ZNF451: variants seen among roughly 807,000 people sequenced by gnomAD.
The protein encoded by ZNF451 is zinc finger protein 451, also known as E3 SUMO-protein ligase ZNF451.
A neutral mutation model predicts 107.1 loss-of-function variants in ZNF451; 80 were observed. That is an observed-to-expected ratio of 0.75 (90% CI 0.62 to 0.90). The LOEUF (loss-of-function observed/expected upper bound fraction) is 0.90. ZNF451 is among the 40% of genes least tolerant of loss of function. ZNF451 has a pLI of 0.00. For synonymous variants in ZNF451, 362 were observed against 406.5 expected, an observed-to-expected ratio of 0.89 and a Z score of 1.32; for missense variants, 1,107 against 1,236.2, an observed-to-expected ratio of 0.90 and a Z score of 1.57.
intron 13 of ZNF451, among the ~76,000 whole-genome samples, chr6:57,157,119 ATT>A (rs1763463640): frequency 6.6e-6 from 1 of 152,104 alleles, no homozygotes; most frequent in African/African-American, 2.4e-5. Flanking sequence ...GATTTTTCAG[ATT>A]TTTGAATTTT....
At chr6:57,115,637 T>C (rs1221242239) in intron 3 of ZNF451, 3 of 152,246 alleles carry the variant, frequency 2.0e-5, no homozygotes, top group Admixed American at 6.5e-5. Context: ...AACCAGAATC[T>C]GCCTTTAGGC....
intron 4 of ZNF451, 104 bp downstream of exon 4, chr6:57,124,963 A>C: frequency 1.4e-6 from 1 of 697,024 alleles, no homozygotes; most frequent in Non-Finnish European, 2.1e-6. Context: ...ATCAAAGCTC[A>C]GTATGTACCC....
intron 2 of ZNF451, 39 bp from the exon 3 acceptor site, chr6:57,099,022 A>G (rs1829458091): frequency 6.5e-7 from 1 of 1,544,536 alleles, no homozygotes; most frequent in Non-Finnish European, 8.9e-7. Flanking sequence ...TGGTTTGAAT[A>G]ACTGTTAATG....
intron 11 of ZNF451, chr6:57,151,222 A>G (rs1163998793): frequency 6.2e-6 from 1 of 162,268 alleles, no homozygotes; most frequent in African/African-American, 2.4e-5. Context: ...AATACAAAAA[A>G]TTAGCTGGGC....
At chr6:57,093,291 A>C (rs530133237) in intron 2 of ZNF451, among the ~76,000 whole-genome samples, 24 of 152,352 alleles carry the variant, frequency 1.6e-4, no homozygotes, top group African/African-American at 5.8e-4. Flanking sequence ...TTATTGATAT[A>C]GTGTAGCATC....
chr6:57,108,546 C>A, intron 3 of ZNF451: 2 of 985,270 alleles, frequency 2.0e-6, no homozygotes, highest in Non-Finnish European at 2.4e-6. Flanking sequence ...TAATTTACAT[C>A]TAACTACTGT....
chr6:57,153,737 T>C lies in ZNF451; in HGVS notation c.2884-124T>C, dbSNP rs541575788. The C allele has an allele frequency of 7.3e-5, 66 of 903,810 alleles. No individual in the cohort carries two copies. In the East Asian group the frequency reaches 1.4e-3, roughly 20 times the overall value. 56.0% of individuals were successfully genotyped at this position (903,810 alleles called of 1,614,324 possible). Reference sequence around the variant, plus strand: ...TGAAGGAGATCTTTATGTCATACTTTGGTAGGGACTAGGGAACAAGCTTAA... The same window carrying C: ...TGAAGGAGATCTTTATGTCATACTTCGGTAGGGACTAGGGAACAAGCTTAA... On this transcript the variant is annotated intron_variant, in intron 12 of 14. Transcript: ENST00000370706.
At chr6:57,124,636 T>C in intron 3 of ZNF451, 98 bp from the exon 4 acceptor site, 1 of 888,002 alleles carries the variant, frequency 1.1e-6, no homozygotes, top group Non-Finnish European at 1.8e-6. Context: ...ATAACTCAAG[T>C]AAATGGTTCT....
At chr6:57,138,741 A>ATATGTG (rs1365084616) in intron 7 of ZNF451, among the ~76,000 whole-genome samples, 38 of 46,586 alleles carry the variant, frequency 8.2e-4, no homozygotes, top group Non-Finnish European at 1.3e-3. Context: ...ATATATATAT[A>ATATGTG]TGTGTGTGTG....
At chr6:57,150,119 AAG>A (rs1192010168) in intron 10 of ZNF451, among the ~76,000 whole-genome samples, 1 of 152,138 alleles carries the variant, frequency 6.6e-6, no homozygotes, top group Non-Finnish European at 1.5e-5. Context: ...GGGAAGGTGA[AAG>A]AAGAATCTGA....
intron 5 of ZNF451, 89 bp downstream of exon 5, chr6:57,128,929 C>G: frequency 1.2e-6 from 1 of 863,282 alleles, no homozygotes; most frequent in Non-Finnish European, 1.8e-6. Flanking sequence ...TGCTAATAAG[C>G]ATATAAGATA....
intron 11 of ZNF451, 104 bp from the exon 12 acceptor site, chr6:57,152,117 T>A: frequency 9.3e-7 from 1 of 1,073,248 alleles, no homozygotes; most frequent in Non-Finnish European, 1.3e-6. Context: ...TCTAGTACTT[T>A]GCCTCTAGAA....
At chr6:57,154,089 A>G in intron 13 of ZNF451, 42 bp downstream of exon 13, 1 of 1,604,068 alleles carries the variant, frequency 6.2e-7, no homozygotes. Context: ...CAAGAGGAGG[A>G]GACTTCACTG....
chr6:57,108,119 G>C, intron 3 of ZNF451: 14 of 984,046 alleles, frequency 1.4e-5, no homozygotes, highest in Non-Finnish European at 1.7e-5. Context: ...GATTACAGGC[G>C]TGAGCCACAG....
intron 3 of ZNF451, among the ~76,000 whole-genome samples, chr6:57,117,587 A>T (rs1439607348): frequency 6.6e-6 from 1 of 152,124 alleles, no homozygotes; most frequent in African/African-American, 2.4e-5. Context: ...GTATAATTTG[A>T]AGGGAGTGAA....
chr6:57,102,105 T>C, intron 3 of ZNF451: 1 of 1,488,076 alleles, frequency 6.7e-7, no homozygotes, highest in Non-Finnish European at 8.9e-7. Flanking sequence ...AATAACCTGT[T>C]TAATGTTCAG....
chr6:57,107,266 T>G, intron 3 of ZNF451: 1 of 985,400 alleles, frequency 1.0e-6, no homozygotes, highest in Non-Finnish European at 1.2e-6. Context: ...CATAATCGCT[T>G]TGATGTAGAT....
At chr6:57,104,724 T>C in intron 3 of ZNF451, 5 of 985,422 alleles carry the variant, frequency 5.1e-6, no homozygotes, top group Non-Finnish European at 6.0e-6. Context: ...ATTTGTAAGA[T>C]GATGTTGCTG....
intron 9 of ZNF451, among the ~76,000 whole-genome samples, chr6:57,145,049 C>T (rs1831992514): frequency 6.6e-6 from 1 of 152,086 alleles, no homozygotes; most frequent in East Asian, 1.9e-4. Flanking sequence ...TTTAATTCCA[C>T]AATAATTAGA....
Sources: gnomAD v4.1 joint callset for allele counts (sites outside exome capture counted in the v4.1 genomes callset) on GRCh38, gnomAD v4.1.1 for gene constraint, MANE v1.5 for transcripts, NCBI Gene and HGNC (gene_info 2026-07-23, HGNC 2026-07-21) for gene names.